SVOPL: variants seen among roughly 807,000 people sequenced by gnomAD.
The protein encoded by SVOPL is SVOP like.
SVOPL carries 60 observed loss-of-function variants against 61.0 expected under a neutral mutation model. That is an observed-to-expected ratio of 0.98 (90% confidence interval 0.80 to 1.22). The LOEUF is 1.22. Ranked by LOEUF, SVOPL falls within the 50% of genes most tolerant of loss-of-function variation. The pLI is 0.00. For synonymous variants in SVOPL, 279 were observed against 250.0 expected (o/e 1.12, Z -1.09); for missense variants, 662 against 643.9 (o/e 1.03, Z -0.30).
At chr7:138,612,424 T>TAAAAAAAAAAAAA (rs1281500368) in intron 14 of SVOPL, among the ~76,000 whole-genome samples, 1 of 41,200 alleles carries the variant, frequency 2.4e-5, no homozygotes. Context: ...AAAAAAAAAA[T>TAAAAAAAAAAAAA]AAAATAAAAA....
chr7:138,648,466 C>T (rs6973559), intron 8 of SVOPL, among the ~76,000 whole-genome samples: 13,147 of 148,038 alleles, frequency 0.089, 1,431 homozygotes, highest in African/African-American at 0.25. Flanking sequence ...CTTTGGGAGG[C>T]CGAGGCGGGT....
intron 10 of SVOPL, among the ~76,000 whole-genome samples, chr7:138,629,153 G>GTATA (rs1554459929): frequency 0.086 from 12,709 of 147,308 alleles, 1,007 homozygotes; most frequent in African/African-American, 0.2. Context: ...GTGTGTGTGT[G>GTATA]TATATATGTA....
chr7:138,618,193 T>C (rs1470118000), intron 14 of SVOPL, among the ~76,000 whole-genome samples: 2 of 152,224 alleles, frequency 1.3e-5, no homozygotes, highest in East Asian at 1.9e-4. Flanking sequence ...GAAGTATCCA[T>C]TGGAATAGCG....
intron 9 of SVOPL, among the ~76,000 whole-genome samples, chr7:138,640,085 T>C (rs1359824420): frequency 6.6e-6 from 1 of 151,724 alleles, no homozygotes; most frequent in Admixed American, 6.6e-5. Flanking sequence ...AGCAAAGCAG[T>C]GTAGAAAGAC....
chr7:138,678,787 T>A (rs747265694), intron 2 of SVOPL, among the ~76,000 whole-genome samples, 177 bp downstream of exon 2: 3 of 152,126 alleles, frequency 2.0e-5, no homozygotes, highest in Non-Finnish European at 4.4e-5. Context: ...GCCAGGCAGG[T>A]CCCAAACTCC....
intron 1 of SVOPL, among the ~76,000 whole-genome samples, chr7:138,685,547 G>A (rs1367679048): frequency 6.6e-6 from 1 of 152,086 alleles, no homozygotes; most frequent in East Asian, 1.9e-4. Context: ...TAACAATATG[G>A]TATCATGCGC....
intron 12 of SVOPL, 162 bp from the exon 13 acceptor site, chr7:138,626,212 G>T: frequency 1.6e-6 from 1 of 635,760 alleles, no homozygotes; most frequent in Non-Finnish European, 2.7e-6. Context: ...GGGTCCTTAA[G>T]CAAACCTCCT....
chr7:138,690,056 C>G (rs1802907170), intron 1 of SVOPL, among the ~76,000 whole-genome samples: 1 of 152,178 alleles, frequency 6.6e-6, no homozygotes, highest in Admixed American at 6.5e-5. Context: ...CCACCAGCAG[C>G]TAGGGGAGAG....
At chr7:138,623,665 A>G (rs1799772382) in intron 13 of SVOPL, among the ~76,000 whole-genome samples, 1 of 152,112 alleles carries the variant, frequency 6.6e-6, no homozygotes, top group African/African-American at 2.4e-5. Context: ...AAATTCCACA[A>G]TATGTTTGAC....
chr7:138,665,886 G>C (rs191811435), intron 4 of SVOPL, among the ~76,000 whole-genome samples: 2 of 152,288 alleles, frequency 1.3e-5, no homozygotes, highest in Admixed American at 1.3e-4. Flanking sequence ...AACAGAGGAG[G>C]AGCTCTCAGG....
chr7:138,662,608 C>T, intron 5 of SVOPL: 1 of 988,808 alleles, frequency 1.0e-6, no homozygotes, highest in Non-Finnish European at 1.2e-6. Context: ...TTCCATTCCC[C>T]TTATTAACTC....
At chr7:138,597,901 C>T (rs561614404) in intron 14 of SVOPL, among the ~76,000 whole-genome samples, 84 of 152,230 alleles carry the variant, frequency 5.5e-4, no homozygotes, top group Non-Finnish European at 7.5e-4. Flanking sequence ...GTGTGAGACC[C>T]GGATGGGTTG....
intron 14 of SVOPL, among the ~76,000 whole-genome samples, chr7:138,608,285 AGT>A (rs1391481970): frequency 1.3e-5 from 2 of 152,224 alleles, no homozygotes; most frequent in Non-Finnish European, 2.9e-5. Context: ...AGAGCAATGA[AGT>A]GGGTTTAGAA....
chr7:138,616,462 G>A (rs542175630), intron 14 of SVOPL, among the ~76,000 whole-genome samples: 2 of 151,712 alleles, frequency 1.3e-5, no homozygotes, highest in South Asian at 2.1e-4. Flanking sequence ...TGAGCCTCCC[G>A]AATAGCTGGG....
Position 138,649,103 on chromosome 7 carries a change from C to G in SVOPL, c.569G>C (p.Gly190Ala). ...FWLAGSLLII[G>A]LASVIIPTIG... ...GGTGGGGATGATCACAGAGGCCAAGCCAATGATGAGCAGGGAGCCCGCAAG... is the reference window on the plus strand; with the variant it reads ...GGTGGGGATGATCACAGAGGCCAAGGCAATGATGAGCAGGGAGCCCGCAAG... Residue 190 changes from glycine (G) to alanine (A), a missense_variant, in exon 8 of 16, where the codon GGC (glycine) becomes GCC (alanine). Coordinates refer to ENST00000674285, the MANE Select transcript of SVOPL (RefSeq NM_001139456.2). 1.2e-6 allele frequency: 2 copies of G among 1,613,298 alleles called. No homozygotes were observed. Among genetic ancestry groups the G allele is most frequent in the African/African-American group, 1.3e-5 (1 of 74,728 alleles).
intron 15 of SVOPL, 82 bp from the exon 16 acceptor site, chr7:138,594,703 T>C: frequency 1.0e-6 from 1 of 985,952 alleles, no homozygotes; most frequent in South Asian, 2.3e-5. Context: ...GATATTTTAG[T>C]AATAGAAGAT....
rs566357516 is a variant in SVOPL at position 138,661,504 on chromosome 7, G to T, written c.346-1516C>A. On this transcript the variant is annotated intron_variant, in intron 5 of 15. Coordinates refer to ENST00000674285, the MANE Select transcript of SVOPL (RefSeq NM_001139456.2). ...GGTCACATTCCCGCACCCATGCCCA[G>T]GGTAATTGTATTTCATTTTGTTTTT... The T allele has an allele frequency of 6.1e-6, 6 of 984,362 alleles. No homozygotes were observed. The African/African-American group carries it at 7.0e-5, about 11-fold the overall frequency. 61.0% of individuals were successfully genotyped at this position (984,362 alleles called of 1,614,324 possible).
chr7:138,655,094 G>A (rs1307979588), intron 7 of SVOPL, among the ~76,000 whole-genome samples: 1 of 152,036 alleles, frequency 6.6e-6, no homozygotes. Flanking sequence ...GGTGGCTGAG[G>A]TGGGAGGATC....
chr7:138,664,660 C>A (rs946692534), intron 4 of SVOPL, among the ~76,000 whole-genome samples: 2 of 148,086 alleles, frequency 1.4e-5, no homozygotes, highest in African/African-American at 5.0e-5. Flanking sequence ...CCATCGGGCG[C>A]GCGCCTAACT....
Sources: gnomAD v4.1 joint callset for allele counts (sites outside exome capture counted in the v4.1 genomes callset) on GRCh38, gnomAD v4.1.1 for gene constraint, MANE v1.5 for transcripts, NCBI Gene and HGNC (gene_info 2026-07-23, HGNC 2026-07-21) for gene names.